The following RBMS3 variants were observed in gnomAD, a reference collection of about 807,000 sequenced individuals.
RBMS3 encodes RNA binding motif single stranded interacting protein 3, also known as RNA-binding motif, single-stranded-interacting protein 3.
In RBMS3, 27 loss-of-function variants were observed where a neutral mutation model predicts 66.8. That is an observed-to-expected ratio of 0.40 (90% CI 0.30 to 0.56). The LOEUF (loss-of-function observed/expected upper bound fraction) is 0.56. RBMS3 is among the 20% of genes least tolerant of loss of function. RBMS3 has a pLI of 0.40. For synonymous variants in RBMS3, 188 were observed against 183.0 expected, an observed-to-expected ratio of 1.03 and a Z score of -0.22; for missense variants, 513 against 549.5, an observed-to-expected ratio of 0.93 and a Z score of 0.66.
intron 7 of RBMS3, chr3:29,880,795 C>G: frequency 6.5e-7 from 1 of 1,536,240 alleles, no homozygotes; most frequent in Non-Finnish European, 8.7e-7. Flanking sequence ...AGAGGCAGGA[C>G]TGTCCCTAGG....
chr3:29,792,898 A>C lies in RBMS3; in HGVS notation c.637+29909A>C, dbSNP rs186298188. ...ATTAAACTTTTGGTAGAGCGTGGACATGACATCCAAGTTAAGACCTGAAAT... is the reference window on the plus strand; with the variant it reads ...ATTAAACTTTTGGTAGAGCGTGGACCTGACATCCAAGTTAAGACCTGAAAT... On this transcript the variant is annotated intron_variant, in intron 6 of 14. Transcript: ENST00000383767. Among the ~76,000 whole-genome samples the C allele has an allele frequency of 7.2e-5, 11 of 152,308 alleles. 1 individual carries two copies. The highest frequency in any genetic ancestry group is 2.0e-4 in the Admixed American group (3 of 15,296).
At chr3:29,316,612 G>A (rs141061887) in intron 1 of RBMS3, among the ~76,000 whole-genome samples, 301 of 151,616 alleles carry the variant, frequency 2.0e-3, no homozygotes, top group Non-Finnish European at 3.3e-3. Flanking sequence ...ATGAGTTTAG[G>A]TGGGTCTGTC....
rs185727187 is a variant in RBMS3 at position 29,911,133 on chromosome 3, C to A, written c.939+11378C>A. Among the ~76,000 whole-genome samples the A allele has an allele frequency of 1.0e-3, 156 of 152,142 alleles. 1 individual carries two copies. Among genetic ancestry groups the A allele is most frequent in the Admixed American group, 2.6e-3 (39 of 15,250 alleles). On this transcript the variant is annotated intron_variant, in intron 10 of 14. Coordinates refer to ENST00000383767, the MANE Select transcript of RBMS3 (RefSeq NM_001003793.3). Reference sequence around the variant, plus strand: ...GTAGAGGAATAAGAACAAGGCTTCACAGAGGAGGTAACTCCTGAACTTGGT... The same window carrying A: ...GTAGAGGAATAAGAACAAGGCTTCAAAGAGGAGGTAACTCCTGAACTTGGT...
At chr3:29,981,524 G>C (rs1338166729) in intron 12 of RBMS3, among the ~76,000 whole-genome samples, 1 of 152,114 alleles carries the variant, frequency 6.6e-6, no homozygotes, top group Non-Finnish European at 1.5e-5. Flanking sequence ...CAAAGGGAGT[G>C]CTTCCAGCTT....
intron 3 of RBMS3, among the ~76,000 whole-genome samples, chr3:29,543,153 A>G (rs2045828264): frequency 6.6e-6 from 1 of 152,182 alleles, no homozygotes; most frequent in African/African-American, 2.4e-5. Context: ...ATTTCCATCA[A>G]GTTTAGGATT....
chr3:29,491,616 A>C (rs1575994255), intron 3 of RBMS3, among the ~76,000 whole-genome samples: 2 of 152,310 alleles, frequency 1.3e-5, no homozygotes, highest in South Asian at 4.1e-4. Context: ...GAGGTAAAAA[A>C]GGAAGGAAGA....
intron 4 of RBMS3, chr3:29,614,557 A>G (rs1272100884): frequency 6.6e-6 from 1 of 152,190 alleles, no homozygotes; most frequent in Non-Finnish European, 1.5e-5. Flanking sequence ...ATTATGAAAC[A>G]AAAATAAAAT....
chr3:29,546,530 A>C (rs2045955331), intron 3 of RBMS3, among the ~76,000 whole-genome samples: 1 of 152,232 alleles, frequency 6.6e-6, no homozygotes, highest in Non-Finnish European at 1.5e-5. Flanking sequence ...AAAACAAACA[A>C]ACAAAAACAC....
At chr3:29,716,677 A>G (rs73829321) in intron 4 of RBMS3, among the ~76,000 whole-genome samples, 7,721 of 152,186 alleles carry the variant, frequency 0.051, 659 homozygotes, top group African/African-American at 0.18. Flanking sequence ...CCCCTTGTGT[A>G]GGATACTTAG....
intron 2 of RBMS3, among the ~76,000 whole-genome samples, chr3:29,452,383 C>G (rs2042044618): frequency 6.6e-6 from 1 of 152,114 alleles, no homozygotes; most frequent in African/African-American, 2.4e-5. Context: ...AGGCTTTGAC[C>G]TGGTTCTATT....
At chr3:29,373,339 C>T (rs1370459271) in intron 1 of RBMS3, among the ~76,000 whole-genome samples, 1 of 152,170 alleles carries the variant, frequency 6.6e-6, no homozygotes, top group African/African-American at 2.4e-5. Context: ...TAATCCTCCC[C>T]CTAAAAGAAA....
At chr3:29,944,111 T>C (rs1255294823) in intron 11 of RBMS3, 96 bp from the exon 12 acceptor site, 17 of 1,124,506 alleles carry the variant, frequency 1.5e-5, no homozygotes, top group Non-Finnish European at 2.0e-5. Context: ...GGCAACCATA[T>C]GACACACAGC....
chr3:29,535,396 T>C (rs757674271), intron 3 of RBMS3, among the ~76,000 whole-genome samples: 31 of 152,168 alleles, frequency 2.0e-4, no homozygotes, highest in Non-Finnish European at 4.3e-4. Flanking sequence ...TTTTTCATTA[T>C]ATGTTAAACT....
chr3:29,300,401 T>C (rs1362465685), intron 1 of RBMS3, among the ~76,000 whole-genome samples: 3 of 151,974 alleles, frequency 2.0e-5, no homozygotes, highest in Non-Finnish European at 2.9e-5. Context: ...TTATAAGCAA[T>C]CTAACTGTCC....
At chr3:29,584,090 C>G (rs189389893) in intron 3 of RBMS3, among the ~76,000 whole-genome samples, 1 of 152,284 alleles carries the variant, frequency 6.6e-6, no homozygotes, top group East Asian at 1.9e-4. Flanking sequence ...CTCCAGCAGA[C>G]TTCAATCCCC....
intron 4 of RBMS3, among the ~76,000 whole-genome samples, chr3:29,713,979 C>T (rs1475090588): frequency 1.3e-5 from 2 of 151,964 alleles, no homozygotes; most frequent in African/African-American, 2.4e-5. Flanking sequence ...TGCTTAAATT[C>T]GGGAAGCAAA....
At chr3:29,400,505 G>C (rs2039758349) in intron 1 of RBMS3, among the ~76,000 whole-genome samples, 1 of 151,926 alleles carries the variant, frequency 6.6e-6, no homozygotes. Flanking sequence ...TGGTGGTAGT[G>C]ATTGTGCAAC....
chr3:29,611,798 G>A (rs1009719882), intron 4 of RBMS3, among the ~76,000 whole-genome samples: 3 of 151,930 alleles, frequency 2.0e-5, no homozygotes, highest in African/African-American at 7.3e-5. Context: ...TTTTTAGAGT[G>A]TGAAATACAA....
intron 1 of RBMS3, among the ~76,000 whole-genome samples, chr3:29,408,044 G>A (rs1294600578): frequency 6.6e-6 from 1 of 151,974 alleles, no homozygotes; most frequent in South Asian, 2.1e-4. Flanking sequence ...AGGCCGAGGT[G>A]GGCAGATCAC....
Sources: gnomAD v4.1 joint callset for allele counts (sites outside exome capture counted in the v4.1 genomes callset) on GRCh38, gnomAD v4.1.1 for gene constraint, MANE v1.5 for transcripts, NCBI Gene and HGNC (gene_info 2026-07-23, HGNC 2026-07-21) for gene names.